Variants in TENM4 observed in about 807,000 individuals in gnomAD.
The protein encoded by TENM4 is teneurin transmembrane protein 4, also known as teneurin-4.
In TENM4, 82 loss-of-function variants were observed where a neutral mutation model predicts 243.3. That is an observed-to-expected ratio of 0.34 (90% CI 0.28 to 0.40). The LOEUF is 0.40. Among genes scored for constraint, TENM4 ranks in the 10% least tolerant of loss-of-function variants. The probability of loss-of-function intolerance (pLI) is 1.00; values close to 1 mark genes in which losing one functional copy is unlikely to be tolerated. For synonymous variants in TENM4, 1,412 were observed against 1,456.3 expected, an observed-to-expected ratio of 0.97 and a Z score of 0.69; for missense variants, 3,138 against 3,673.3, an observed-to-expected ratio of 0.85 and a Z score of 3.77.
chr11:78,889,522 G>A (rs537864804), intron 9 of TENM4, among the ~76,000 whole-genome samples: 1 of 152,268 alleles, frequency 6.6e-6, no homozygotes, highest in East Asian at 1.9e-4. Context: ...CTTAATACCA[G>A]GCACCCAACA....
At chr11:79,038,221 C>A (rs2136888368) in intron 6 of TENM4, among the ~76,000 whole-genome samples, 1 of 152,308 alleles carries the variant, frequency 6.6e-6, no homozygotes, top group East Asian at 1.9e-4. Context: ...GATGAGAGAA[C>A]AATCACCTCT....
At chr11:79,263,712 T>C (rs1163853087) in intron 2 of TENM4, among the ~76,000 whole-genome samples, 1 of 152,184 alleles carries the variant, frequency 6.6e-6, no homozygotes, top group Admixed American at 6.5e-5. Flanking sequence ...TTTTAATCAG[T>C]ATCACAATTT....
At chr11:79,137,873 T>C (rs576562045) in intron 4 of TENM4, among the ~76,000 whole-genome samples, 1 of 152,198 alleles carries the variant, frequency 6.6e-6, no homozygotes, top group African/African-American at 2.4e-5. Context: ...TTGAAGATTA[T>C]GTATGATCTC....
chr11:79,293,444 C>CTGCA (rs1472853297), intron 2 of TENM4, among the ~76,000 whole-genome samples: 1 of 149,974 alleles, frequency 6.7e-6, no homozygotes, highest in African/African-American at 2.5e-5. Context: ...ACGTTTGAGG[C>CTGCA]TGCAGTGAGC....
chr11:79,214,160 A>AT (rs1286231935), intron 3 of TENM4, among the ~76,000 whole-genome samples: 4 of 151,358 alleles, frequency 2.6e-5, no homozygotes, highest in Non-Finnish European at 5.9e-5. Flanking sequence ...CCTGGCTAAT[A>AT]TTTTTTTTAC....
chr11:78,677,533 G>A (rs1858510661), intron 29 of TENM4, among the ~76,000 whole-genome samples: 1 of 152,000 alleles, frequency 6.6e-6, no homozygotes, highest in African/African-American at 2.4e-5. Context: ...GGGATTACAA[G>A]TGTGAGCCAC....
At chr11:79,400,099 C>CCACACACACACACACA (rs71050221) in intron 1 of TENM4, among the ~76,000 whole-genome samples, 11 of 140,588 alleles carry the variant, frequency 7.8e-5, no homozygotes, top group Middle Eastern at 3.4e-3. Flanking sequence ...TAAACACACA[C>CCACACACACACACACA]CACACACACA....
At chr11:79,091,787 C>A (rs1860959856) in intron 4 of TENM4, among the ~76,000 whole-genome samples, 1 of 152,192 alleles carries the variant, frequency 6.6e-6, no homozygotes, top group African/African-American at 2.4e-5. Context: ...CATCTCCACC[C>A]TCTTTTTTCA....
rs549804464 is a variant in TENM4 at position 78,952,269 on chromosome 11, C to T, written c.494-48746G>A. On this transcript the variant is annotated intron_variant, in intron 6 of 33. Transcript: ENST00000278550. The stretch of plus-strand genomic sequence containing the variant: ...TTAGTGAGGCTTTGGTCTTTTCTGC[C>T]GACATCACCAGACACTGACCAGAGG... 5.3e-5 allele frequency among the ~76,000 whole-genome samples: 8 copies of T among 152,282 alleles called. No homozygotes were observed. The South Asian group carries it at 6.2e-4, about 12-fold the overall frequency.
intron 1 of TENM4, among the ~76,000 whole-genome samples, chr11:79,318,469 G>C (rs1856837236): frequency 6.6e-6 from 1 of 152,032 alleles, no homozygotes; most frequent in African/African-American, 2.4e-5. Flanking sequence ...TTCCAGAAGA[G>C]GGGAAAAAAA....
rs528060465 is a variant in TENM4 at position 78,903,509 on chromosome 11, G to A, written c.508C>T (p.Leu170=). Residue 170 remains leucine (L), a synonymous_variant, in exon 7 of 34, where the codon CTG becomes TTG. Transcript: ENST00000278550. ...ENTETDHPGG[L]QNHARLRTPP... ...GTCCGGAGCCGCGCGTGGTTCTGCAGGCCGCCCGGATGATCTAGGGCACAA... is the reference window on the plus strand; with the variant it reads ...GTCCGGAGCCGCGCGTGGTTCTGCAAGCCGCCCGGATGATCTAGGGCACAA... 9.0e-5 allele frequency: 139 copies of A among 1,547,166 alleles called. No individual in the cohort carries two copies. The African/African-American group carries it at 1.8e-3, about 20-fold the overall frequency.
rs554847452 is a variant in TENM4, at chr11:79,164,227, AC to A, written c.-162-15422del. 1.6e-3 allele frequency among the ~76,000 whole-genome samples: 204 copies of A among 125,852 alleles called. 9 individuals carry two copies. In the South Asian group the frequency reaches 0.048, roughly 29 times the overall value. 82.6% of individuals were successfully genotyped at this position (125,852 alleles called of 152,430 possible). On this transcript the variant is annotated intron_variant, in intron 3 of 33. Transcript: ENST00000278550. ...TAGTGTATAGTATATAGTATACTAT[AC>A]TATATACAGTATATATAGTATATAT... is the stretch of plus-strand genomic sequence containing the variant.
At chr11:78,786,809 T>C (rs1333732032) in intron 16 of TENM4, 89 bp downstream of exon 16, 6 of 1,520,044 alleles carry the variant, frequency 3.9e-6, no homozygotes, top group African/African-American at 1.4e-5. Context: ...CCACATGCGA[T>C]GAGGGCCCAG....
chr11:79,063,031 C>T (rs1339730625), intron 6 of TENM4, among the ~76,000 whole-genome samples: 1 of 152,110 alleles, frequency 6.6e-6, no homozygotes, highest in African/African-American at 2.4e-5. Context: ...AAGCCACTAC[C>T]CAGTACCCAA....
chr11:78,689,510 G>T (rs926797902), intron 28 of TENM4, among the ~76,000 whole-genome samples: 2 of 151,884 alleles, frequency 1.3e-5, no homozygotes, highest in Admixed American at 6.6e-5. Context: ...TTACCTCTGG[G>T]GTAAAGCTGG....
intron 6 of TENM4, among the ~76,000 whole-genome samples, chr11:79,008,486 T>G (rs771714908): frequency 6.6e-6 from 1 of 152,232 alleles, no homozygotes; most frequent in Non-Finnish European, 1.5e-5. Flanking sequence ...TATACACATA[T>G]TTTTGACATA....
intron 2 of TENM4, among the ~76,000 whole-genome samples, chr11:79,254,069 T>C (rs472642): frequency 0.036 from 5,555 of 152,302 alleles, 238 homozygotes; most frequent in East Asian, 0.13. Context: ...CATCCTCATA[T>C]GCTGTCGATG....
At chr11:78,891,516 C>A (rs1855665414) in intron 7 of TENM4, among the ~76,000 whole-genome samples, 180 bp from the exon 8 acceptor site, 1 of 152,316 alleles carries the variant, frequency 6.6e-6, no homozygotes, top group South Asian at 2.1e-4. Flanking sequence ...TGGCACAGAG[C>A]ATCCAGAGAG....
In TENM4 at chr11:79,234,416, A is replaced by G. The variant is rs549001141; in HGVS notation, c.-264-18507T>C. On this transcript the variant is annotated intron_variant, in intron 2 of 33. Coordinates refer to ENST00000278550, the MANE Select transcript of TENM4 (RefSeq NM_001098816.3). ...TGTATAGGCATGTGCATCTTATGTC[A>G]GTTCTTACTGGCTAAGAGGCCTCGG... Among the ~76,000 whole-genome samples, 518 of 152,328 alleles carry G rather than the reference A, an allele frequency of 3.4e-3. 2 individuals are homozygous for G. Among genetic ancestry groups the G allele is most frequent in the African/African-American group, 0.012 (501 of 41,574 alleles).
Sources: gnomAD v4.1 joint callset for allele counts (sites outside exome capture counted in the v4.1 genomes callset) on GRCh38, gnomAD v4.1.1 for gene constraint, MANE v1.5 for transcripts, NCBI Gene and HGNC (gene_info 2026-07-23, HGNC 2026-07-21) for gene names.